SBF2: variants seen among roughly 807,000 people sequenced by gnomAD.
SBF2 encodes myotubularin-related protein 13.
In SBF2, 112 loss-of-function variants were observed where a neutral mutation model predicts 225.2. The ratio of observed to expected loss-of-function variants is 0.50; its 90% CI spans 0.43 to 0.58. The LOEUF (loss-of-function observed/expected upper bound fraction) is 0.58. Among genes scored for constraint, SBF2 ranks in the 20% least tolerant of loss-of-function variants. The pLI is 0.00. For missense variants in SBF2, 1,996 were observed against 2,206.2 expected (o/e 0.90, Z 1.91); for synonymous variants, 763 against 773.3 (o/e 0.99, Z 0.22).
chr11:10,124,387 G>A lies in SBF2; in HGVS notation c.141+69515C>T, dbSNP rs576334670. Among the ~76,000 whole-genome samples the A allele has an allele frequency of 3.9e-4, 60 of 152,088 alleles. 1 individual carries two copies. The highest frequency in any genetic ancestry group is 1.3e-3 in the African/African-American group (54 of 41,500). On this transcript the variant is annotated intron_variant, in intron 2 of 39. Transcript: ENST00000256190. ...AGTTCCATGTAACTTGTACATTTCCGTCCTAGAGAAAGCAGAAACCCAAAG... is the reference window on the plus strand; with the variant it reads ...AGTTCCATGTAACTTGTACATTTCCATCCTAGAGAAAGCAGAAACCCAAAG...
At position 9,984,516 on chromosome 11, in the gene SBF2, A is replaced by G. The variant is rs1291123441; in HGVS notation, c.1395+4981T>C. Among the ~76,000 whole-genome samples, 3 of 152,208 alleles carry G rather than the reference A, an allele frequency of 2.0e-5. No individual in the cohort carries two copies. The East Asian group carries it at 5.8e-4, about 29-fold the overall frequency. ...GCCTGGAAAACATATTTGGGGGAAT[A>G]ATTGAGGAAAACATCCCCGGCCTTG... On this transcript the variant is annotated intron_variant, in intron 13 of 39. Coordinates refer to ENST00000256190, the MANE Select transcript of SBF2 (RefSeq NM_030962.4).
chr11:10,084,989 A>ATT (rs1951509134), intron 2 of SBF2, among the ~76,000 whole-genome samples: 1 of 152,132 alleles, frequency 6.6e-6, no homozygotes, highest in African/African-American at 2.4e-5. Context: ...TGCAATATAT[A>ATT]TTAGTTGGGT....
chr11:10,250,438 C>T (rs1481860104), intron 1 of SBF2, among the ~76,000 whole-genome samples: 1 of 152,124 alleles, frequency 6.6e-6, no homozygotes, highest in East Asian at 1.9e-4. Context: ...TTCCATGACT[C>T]ATCATGGGAA....
At chr11:10,002,036 C>A (rs2134511857) in intron 7 of SBF2, among the ~76,000 whole-genome samples, 1 of 152,018 alleles carries the variant, frequency 6.6e-6, no homozygotes, top group South Asian at 2.1e-4. Flanking sequence ...ATAAAAAAAA[C>A]AGAGGAAAAA....
At chr11:10,103,308 A>G (rs1326969585) in intron 2 of SBF2, among the ~76,000 whole-genome samples, 1 of 152,208 alleles carries the variant, frequency 6.6e-6, no homozygotes, top group African/African-American at 2.4e-5. Flanking sequence ...TATGTCCTCT[A>G]AAGACCAAAA....
chr11:10,083,174 G>A (rs1172021646), intron 2 of SBF2, among the ~76,000 whole-genome samples: 3 of 151,936 alleles, frequency 2.0e-5, no homozygotes, highest in Non-Finnish European at 4.4e-5. Flanking sequence ...TACAGTTAAC[G>A]AAGGAGGTGA....
intron 13 of SBF2, among the ~76,000 whole-genome samples, chr11:9,979,207 T>C (rs1325260580): frequency 1.3e-5 from 2 of 152,194 alleles, no homozygotes; most frequent in Non-Finnish European, 2.9e-5. Context: ...ACACCTGCCT[T>C]ACATTGTCGT....
chr11:10,028,327 T>C lies in SBF2; in HGVS notation c.619+125A>G, dbSNP rs868089212. The C allele has an allele frequency of 4.8e-5, 33 of 692,694 alleles. No individual in the cohort carries two copies. In the Middle Eastern group the frequency reaches 1.1e-3, roughly 24 times the overall value. The allele number at this position is 692,694 out of a possible 1,614,324, so 42.9% of individuals were successfully genotyped here. A position where few individuals can be genotyped will look rare whatever the true frequency, so the allele number is the denominator to read the frequency against. On this transcript the variant is annotated intron_variant, in intron 6 of 39. Coordinates refer to ENST00000256190, the MANE Select transcript of SBF2 (RefSeq NM_030962.4). ...GACCCACAAAATTATATATCTCCTA[T>C]ATATAAAATATTTAATGGTTTAAAA...
chr11:9,931,046 G>A (rs1017537376), intron 16 of SBF2, among the ~76,000 whole-genome samples: 1 of 152,250 alleles, frequency 6.6e-6, no homozygotes, highest in African/African-American at 2.4e-5. Context: ...CAGCCTGGCT[G>A]GGGGAGGGGC....
In SBF2 at chr11:9,829,327, T is replaced by C. The variant is rs369546967; in HGVS notation, c.3793+29A>G. 66 of 1,612,176 alleles carry C rather than the reference T, an allele frequency of 4.1e-5. 1 individual carries two copies. In the Admixed American group the frequency reaches 1.1e-3, roughly 26 times the overall value. On this transcript the variant is annotated intron_variant, in intron 28 of 39. Transcript: ENST00000256190. The stretch of plus-strand genomic sequence containing the variant: ...AGAACTGACCTTTCATTAGAAGCTG[T>C]CAAGAAGAAAAGTATTATCAAATCT...
chr11:10,278,397 C>A (rs574141715), intron 1 of SBF2, among the ~76,000 whole-genome samples: 1 of 152,248 alleles, frequency 6.6e-6, no homozygotes, highest in African/African-American at 2.4e-5. Flanking sequence ...GCATAACCAA[C>A]CCCAAAAATT....
chr11:9,946,154 T>G lies in SBF2; in HGVS notation c.1860+15803A>C, dbSNP rs112763980. On this transcript the variant is annotated intron_variant, in intron 16 of 39. Coordinates refer to ENST00000256190, the MANE Select transcript of SBF2 (RefSeq NM_030962.4). Reference sequence around the variant, plus strand: ...ACCTGTATGTTCATTGCAGCACTATTCACAACAGCAAAGACATGGAATCAA... The same window carrying G: ...ACCTGTATGTTCATTGCAGCACTATGCACAACAGCAAAGACATGGAATCAA... 3.8e-3 allele frequency among the ~76,000 whole-genome samples: 582 copies of G among 152,286 alleles called. 2 individuals are homozygous for G. The highest frequency in any genetic ancestry group is 0.013 in the African/African-American group (552 of 41,554).
Position 10,275,552 on chromosome 11 carries a change from TAAAA to T in SBF2, c.55+18459_55+18462del, listed in dbSNP as rs1962887905. Among the ~76,000 whole-genome samples the T allele has an allele frequency of 8.6e-5, 13 of 151,982 alleles. 1 individual carries two copies. The South Asian group carries it at 2.7e-3, about 31-fold the overall frequency. ...AAAATACATGTATACCTTACAAAACTAAAATTGCTTTTTACTTACATGACTTTTC... is the reference window on the plus strand; with the variant it reads ...AAAATACATGTATACCTTACAAAACTTTGCTTTTTACTTACATGACTTTTC... On this transcript the variant is annotated intron_variant, in intron 1 of 39. Coordinates refer to ENST00000256190, the MANE Select transcript of SBF2 (RefSeq NM_030962.4).
At chr11:10,286,439 A>T (rs1042357705) in intron 1 of SBF2, among the ~76,000 whole-genome samples, 2 of 140,908 alleles carry the variant, frequency 1.4e-5, no homozygotes, top group African/African-American at 5.2e-5. Flanking sequence ...GGCTCACTGC[A>T]ATCTCTGCCT....
intron 13 of SBF2, among the ~76,000 whole-genome samples, chr11:9,972,687 T>C (rs1565079411): frequency 6.6e-6 from 1 of 152,158 alleles, no homozygotes; most frequent in African/African-American, 2.4e-5. Context: ...TTCACTATGT[T>C]GTTCAGGCTG....
chr11:10,003,882 T>C (rs1948078654), intron 6 of SBF2, among the ~76,000 whole-genome samples: 1 of 152,180 alleles, frequency 6.6e-6, no homozygotes, highest in African/African-American at 2.4e-5. Context: ...TCTTTCTTTA[T>C]ATCACTTCAA....
intron 2 of SBF2, among the ~76,000 whole-genome samples, chr11:10,141,255 T>G (rs760207810): frequency 6.6e-6 from 1 of 152,170 alleles, no homozygotes; most frequent in African/African-American, 2.4e-5. Flanking sequence ...TTATTAGAAG[T>G]CACTATGTAC....
intron 1 of SBF2, among the ~76,000 whole-genome samples, chr11:10,258,447 A>G (rs1040901236): frequency 6.6e-6 from 1 of 152,180 alleles, no homozygotes; most frequent in Admixed American, 6.5e-5. Context: ...AGAGTTTCTC[A>G]TAATTATTTA....
At chr11:10,239,661 CATAAA>C (rs1277908902) in intron 1 of SBF2, among the ~76,000 whole-genome samples, 2 of 141,818 alleles carry the variant, frequency 1.4e-5, no homozygotes, top group African/African-American at 2.5e-5. Flanking sequence ...AAAAACTGCA[CATAAA>C]ATAAAAATAC....
Sources: gnomAD v4.1 joint callset for allele counts (sites outside exome capture counted in the v4.1 genomes callset) on GRCh38, gnomAD v4.1.1 for gene constraint, MANE v1.5 for transcripts, NCBI Gene and HGNC (gene_info 2026-07-23, HGNC 2026-07-21) for gene names.